The following FER variants were observed in gnomAD, a reference collection of about 807,000 sequenced individuals.
FER encodes the protein FER tyrosine kinase.
Under a neutral mutation model 111.0 loss-of-function variants are expected in FER, and 63 were observed. That is an observed-to-expected ratio of 0.57 (90% CI 0.46 to 0.70). FER has a LOEUF of 0.70. Among genes scored for constraint, FER ranks in the 30% least tolerant of loss-of-function variants. The pLI is 0.00. For missense variants in FER, 914 were observed against 954.0 expected, an observed-to-expected ratio of 0.96 and a Z score of 0.55; for synonymous variants, 327 against 313.9, an observed-to-expected ratio of 1.04 and a Z score of -0.44.
intron 13 of FER, among the ~76,000 whole-genome samples, chr5:109,020,223 A>G (rs1239965802): frequency 6.6e-6 from 1 of 151,978 alleles, no homozygotes; most frequent in Non-Finnish European, 1.5e-5. Context: ...TTTTAAAATC[A>G]GTCTTAAAAC....
intron 14 of FER, among the ~76,000 whole-genome samples, chr5:109,042,854 T>C (rs1771375299): frequency 6.6e-6 from 1 of 152,164 alleles, no homozygotes; most frequent in Non-Finnish European, 1.5e-5. Flanking sequence ...TCAGAGTACA[T>C]GTAACAGTTG....
chr5:109,077,213 TCAGA>T (rs1269150015), intron 16 of FER, among the ~76,000 whole-genome samples: 1 of 152,228 alleles, frequency 6.6e-6, no homozygotes, highest in African/African-American at 2.4e-5. Context: ...AATCACTCTT[TCAGA>T]CAGTGAGGAG....
chr5:108,845,808 C>T (rs533684116), intron 5 of FER, among the ~76,000 whole-genome samples: 2 of 152,146 alleles, frequency 1.3e-5, no homozygotes, highest in African/African-American at 2.4e-5. Context: ...TTCTCTATTC[C>T]TGTGTTAGAA....
intron 17 of FER, among the ~76,000 whole-genome samples, chr5:109,162,971 CA>C (rs1394572755): frequency 1.3e-5 from 2 of 152,002 alleles, no homozygotes; most frequent in Admixed American, 1.3e-4. Context: ...CCATCATCCC[CA>C]AAAGTTCCCT....
chr5:108,966,808 A>G (rs1487036100), intron 13 of FER, among the ~76,000 whole-genome samples: 1 of 152,102 alleles, frequency 6.6e-6, no homozygotes, highest in Admixed American at 6.6e-5. Flanking sequence ...ATAATGTATA[A>G]TTCTCCCCTC....
chr5:109,052,009 C>T, intron 16 of FER: 1 of 1,586,790 alleles, frequency 6.3e-7, no homozygotes, highest in South Asian at 1.1e-5. Context: ...TCGCAGCAAC[C>T]CCCCTTGCAT....
chr5:108,968,114 C>T (rs2073919648), intron 13 of FER, among the ~76,000 whole-genome samples: 1 of 152,204 alleles, frequency 6.6e-6, no homozygotes, highest in African/African-American at 2.4e-5. Flanking sequence ...AGTGGCCGGG[C>T]ACAGTGGCTC....
chr5:108,957,448 A>T (rs888559472), intron 12 of FER, among the ~76,000 whole-genome samples: 37 of 151,652 alleles, frequency 2.4e-4, no homozygotes, highest in Non-Finnish European at 3.5e-4. Flanking sequence ...AACACAAAAA[A>T]ATAATAAATG....
At chr5:108,907,364 G>A (rs1266887382) in intron 10 of FER, among the ~76,000 whole-genome samples, 1 of 151,510 alleles carries the variant, frequency 6.6e-6, no homozygotes, top group Non-Finnish European at 1.5e-5. Flanking sequence ...GCGGGATCTC[G>A]GTTCACTGAA....
At chr5:108,853,165 CAAGGTAAAATTAT>C (rs1762693730) in intron 5 of FER, among the ~76,000 whole-genome samples, 1 of 152,008 alleles carries the variant, frequency 6.6e-6, no homozygotes, top group South Asian at 2.1e-4. Flanking sequence ...CTGAACAGCA[CAAGGTAAAATTAT>C]AATCTTTCAA....
rs1160736106 is a variant in FER, at chr5:108,938,024, T to TCA, written c.1237-8105_1237-8104insAC. On this transcript the variant is annotated intron_variant, in intron 10 of 19. Coordinates refer to ENST00000281092, the MANE Select transcript of FER (RefSeq NM_005246.4). ...TCCCTCCTTTTTTTCCCTATCTCTCTCTCACACACACACACACACACACAC... is the reference window on the plus strand; with the variant it reads ...TCCCTCCTTTTTTTCCCTATCTCTCTCACTCACACACACACACACACACACAC... Among the ~76,000 whole-genome samples the TCA allele has an allele frequency of 6.5e-3, 503 of 77,960 alleles. 6 individuals are homozygous for TCA. Among genetic ancestry groups the TCA allele is most frequent in the South Asian group, 0.013 (30 of 2,386 alleles). The allele number at this position is 77,960 out of a possible 152,430, so 51.1% of individuals were successfully genotyped here.
chr5:108,956,132 G>GT (rs991646712), intron 12 of FER, among the ~76,000 whole-genome samples: 28 of 151,642 alleles, frequency 1.8e-4, no homozygotes, highest in African/African-American at 6.3e-4. Flanking sequence ...CTAACCTACT[G>GT]TTTTGGAAAC....
intron 1 of FER, among the ~76,000 whole-genome samples, chr5:108,765,820 T>C (rs1305645627): frequency 6.6e-6 from 1 of 152,194 alleles, no homozygotes; most frequent in Non-Finnish European, 1.5e-5. Flanking sequence ...ACATATATAA[T>C]GTGTTTTGTT....
intron 5 of FER, among the ~76,000 whole-genome samples, chr5:108,843,565 C>G (rs1335686757): frequency 6.8e-6 from 1 of 147,966 alleles, no homozygotes; most frequent in African/African-American, 2.5e-5. Context: ...GAGTCTCGCT[C>G]TGTCGCCAGG....
intron 17 of FER, among the ~76,000 whole-genome samples, chr5:109,118,352 A>C (rs1750538343): frequency 6.6e-6 from 1 of 152,198 alleles, no homozygotes; most frequent in South Asian, 2.1e-4. Flanking sequence ...CCCAGGGATG[A>C]AGCCCACTTG....
In FER at chr5:108,937,656, G is replaced by T. The variant is rs1025770786; in HGVS notation, c.1237-8474G>T. On this transcript the variant is annotated intron_variant, in intron 10 of 19. Transcript: ENST00000281092. ...GTCTGAGAGGTTGGAGGATAGTGTG[G>T]TAGGGGAATAAATGTTTCATGTAGG... Among the ~76,000 whole-genome samples the T allele has an allele frequency of 2.6e-5, 4 of 151,868 alleles. No individual in the cohort carries two copies. In the Admixed American group the frequency reaches 2.6e-4, roughly 10 times the overall value.
chr5:108,963,358 T>A (rs1422728212), intron 13 of FER, among the ~76,000 whole-genome samples: 1 of 150,826 alleles, frequency 6.6e-6, no homozygotes, highest in Non-Finnish European at 1.5e-5. Context: ...AGGTAAGGAG[T>A]TCAAGACCAG....
intron 5 of FER, among the ~76,000 whole-genome samples, chr5:108,855,447 C>T (rs1224243365): frequency 6.7e-6 from 1 of 149,748 alleles, no homozygotes; most frequent in East Asian, 2.0e-4. Flanking sequence ...GGTGAAATCC[C>T]GTCTCTGCTA....
intron 8 of FER, among the ~76,000 whole-genome samples, chr5:108,873,761 A>T (rs576248026): frequency 2.0e-4 from 30 of 152,304 alleles, no homozygotes; most frequent in African/African-American, 7.2e-4. Context: ...TCCAGGGGAC[A>T]TTTGACAGTA....
Sources: gnomAD v4.1 joint callset for allele counts (sites outside exome capture counted in the v4.1 genomes callset) on GRCh38, gnomAD v4.1.1 for gene constraint, MANE v1.5 for transcripts, NCBI Gene and HGNC (gene_info 2026-07-23, HGNC 2026-07-21) for gene names.